EPHA4: variants seen among roughly 807,000 people sequenced by gnomAD.
EPHA4 encodes ephrin type-A receptor 4.
EPHA4 carries 19 observed loss-of-function variants against 108.3 expected under a neutral mutation model. The ratio of observed to expected loss-of-function variants is 0.18; its 90% CI spans 0.12 to 0.26. EPHA4 has a LOEUF of 0.26. Among genes scored for constraint, EPHA4 ranks in the 10% least tolerant of loss-of-function variants. EPHA4 has a pLI of 1.00. For missense variants in EPHA4, 917 were observed against 1,254.0 expected (o/e 0.73, Z 4.06); for synonymous variants, 449 against 455.5 (o/e 0.99, Z 0.18).
chr2:221,483,938 G>A (rs1012866269), intron 4 of EPHA4, among the ~76,000 whole-genome samples: 4 of 152,130 alleles, frequency 2.6e-5, no homozygotes, highest in African/African-American at 7.2e-5. Context: ...ACACTCAAAC[G>A]AGACATAGCT....
intron 2 of EPHA4, among the ~76,000 whole-genome samples, chr2:221,565,869 A>C (rs1230337993): frequency 6.6e-6 from 1 of 152,218 alleles, no homozygotes. Flanking sequence ...GAACAATGGG[A>C]ATTTGGAAAA....
At chr2:221,478,220 C>CAA (rs75032748) in intron 5 of EPHA4, among the ~76,000 whole-genome samples, 17 of 149,530 alleles carry the variant, frequency 1.1e-4, no homozygotes, top group South Asian at 2.1e-4. Context: ...GCCTTTTTAA[C>CAA]AAAAAAAAAA....
upstream of EPHA4, chr2:221,572,381 G>A (rs1259744716): frequency 5.4e-6 from 4 of 746,092 alleles, no homozygotes; most frequent in South Asian, 7.2e-5. Context: ...CCAGTCCGGG[G>A]CCCGCGGCCA....
At chr2:221,536,837 G>A (rs552235522) in intron 3 of EPHA4, among the ~76,000 whole-genome samples, 4 of 152,282 alleles carry the variant, frequency 2.6e-5, no homozygotes, top group African/African-American at 9.6e-5. Flanking sequence ...AAGCTGCTTA[G>A]CTTCTCTGGG....
chr2:221,435,104 T>C (rs1690189947), intron 13 of EPHA4, among the ~76,000 whole-genome samples: 1 of 152,166 alleles, frequency 6.6e-6, no homozygotes, highest in African/African-American at 2.4e-5. Flanking sequence ...CCCAGGGCTA[T>C]CATTTAAAAG....
At chr2:221,558,415 T>G (rs1273737329) in intron 3 of EPHA4, among the ~76,000 whole-genome samples, 1 of 151,986 alleles carries the variant, frequency 6.6e-6, no homozygotes, top group African/African-American at 2.4e-5. Context: ...AATGTTAAAT[T>G]TACCAATTAC....
intron 4 of EPHA4, among the ~76,000 whole-genome samples, chr2:221,483,627 T>C (rs1448059819): frequency 6.6e-6 from 1 of 151,618 alleles, no homozygotes; most frequent in Non-Finnish European, 1.5e-5. Context: ...GCGATTATCA[T>C]GCCTCAGCCT....
intron 4 of EPHA4, among the ~76,000 whole-genome samples, chr2:221,483,765 G>C (rs761116328): frequency 6.6e-6 from 1 of 152,110 alleles, no homozygotes; most frequent in Non-Finnish European, 1.5e-5. Context: ...CTCCCAAAGT[G>C]CTGGGATTAC....
intron 3 of EPHA4, among the ~76,000 whole-genome samples, chr2:221,533,972 C>G (rs1407705214): frequency 6.6e-6 from 1 of 152,084 alleles, no homozygotes; most frequent in Admixed American, 6.5e-5. Flanking sequence ...CCCACATCTG[C>G]GTGACACTCC....
At chr2:221,567,392 G>C (rs189623383) in intron 2 of EPHA4, among the ~76,000 whole-genome samples, 1 of 152,104 alleles carries the variant, frequency 6.6e-6, no homozygotes, top group African/African-American at 2.4e-5. Flanking sequence ...AGATAAAGCC[G>C]TACCTTTCTT....
chr2:221,445,557 T>A (rs1574569075), intron 9 of EPHA4, among the ~76,000 whole-genome samples: 1 of 131,458 alleles, frequency 7.6e-6, no homozygotes, highest in South Asian at 2.4e-4. Flanking sequence ...GCCAGTGCAC[T>A]CCAGCCTGGC....
At chr2:221,549,784 C>T (rs551895422) in intron 3 of EPHA4, among the ~76,000 whole-genome samples, 35 of 152,238 alleles carry the variant, frequency 2.3e-4, no homozygotes, top group Admixed American at 7.8e-4. Context: ...GTCAAGAGTT[C>T]GAGACTAGCC....
At chr2:221,554,504 T>C (rs888959813) in intron 3 of EPHA4, among the ~76,000 whole-genome samples, 14 of 152,192 alleles carry the variant, frequency 9.2e-5, no homozygotes, top group African/African-American at 3.4e-4. Context: ...AAATATGCAG[T>C]ACGCTTGCCT....
chr2:221,522,051 G>T (rs961978349), intron 3 of EPHA4, among the ~76,000 whole-genome samples: 9 of 152,136 alleles, frequency 5.9e-5, no homozygotes, highest in Non-Finnish European at 7.4e-5. Flanking sequence ...CAGAGCAAAA[G>T]GGAACTAGCA....
rs571983116 is a variant in EPHA4, at chr2:221,428,775, C to T, written c.2690+1183G>A. 3.9e-5 allele frequency among the ~76,000 whole-genome samples: 6 copies of T among 152,212 alleles called. No homozygotes were observed. In the East Asian group the frequency reaches 1.2e-3, roughly 29 times the overall value. Reference sequence around the variant, plus strand: ...GGCAGAGGTGAAATGTTAATTCAGCCCTTTTCAGTGTTATTTGAAAAGAGC... The same window carrying T: ...GGCAGAGGTGAAATGTTAATTCAGCTCTTTTCAGTGTTATTTGAAAAGAGC... On this transcript the variant is annotated intron_variant, in intron 15 of 17. Transcript: ENST00000281821.
chr2:221,481,761 C>T (rs899221405), intron 5 of EPHA4, among the ~76,000 whole-genome samples: 1 of 152,160 alleles, frequency 6.6e-6, no homozygotes, highest in East Asian at 1.9e-4. Context: ...ATAGGTCCAC[C>T]TAGATCATTT....
intron 3 of EPHA4, among the ~76,000 whole-genome samples, chr2:221,558,309 T>G (rs1237277880): frequency 1.3e-5 from 2 of 151,744 alleles, no homozygotes; most frequent in East Asian, 3.9e-4. Context: ...TGGATGTGGG[T>G]GTGTGTGTGT....
intron 4 of EPHA4, among the ~76,000 whole-genome samples, chr2:221,486,253 TCA>T (rs1177560108): frequency 1.3e-5 from 2 of 152,212 alleles, no homozygotes; most frequent in East Asian, 3.9e-4. Context: ...GATTTTGTTT[TCA>T]AAACTACCCA....
chr2:221,501,892 A>T (rs73994265), intron 3 of EPHA4, among the ~76,000 whole-genome samples: 2,658 of 152,272 alleles, frequency 0.017, 72 homozygotes, highest in African/African-American at 0.06. Context: ...TAGTATGCTA[A>T]GATTTGTTTT....
Sources: gnomAD v4.1 joint callset for allele counts (sites outside exome capture counted in the v4.1 genomes callset) on GRCh38, gnomAD v4.1.1 for gene constraint, MANE v1.5 for transcripts, NCBI Gene and HGNC (gene_info 2026-07-23, HGNC 2026-07-21) for gene names.